Variants in SNX9 observed in about 807,000 individuals in gnomAD.
SNX9 encodes sorting nexin 9, also known as sorting nexin-9.
A neutral mutation model predicts 89.4 loss-of-function variants in SNX9; 44 were observed. The observed-to-expected ratio is 0.49, with a 90% CI of 0.39 to 0.63. The LOEUF is 0.63. Ranked by LOEUF, SNX9 falls within the 30% of genes least tolerant of loss-of-function variation. The pLI, the probability that SNX9 is intolerant of heterozygous loss-of-function variation, is 0.00. For synonymous variants in SNX9, 236 were observed against 247.8 expected (o/e 0.95, Z 0.45); for missense variants, 578 against 736.1 (o/e 0.79, Z 2.49).
At chr6:157,929,030 AT>A (rs1414442260) in intron 12 of SNX9, among the ~76,000 whole-genome samples, 1 of 152,116 alleles carries the variant, frequency 6.6e-6, no homozygotes, top group Non-Finnish European at 1.5e-5. Context: ...TCATGATTTT[AT>A]TTTTTAATCT....
At chr6:157,879,185 C>T (rs1257098282) in intron 4 of SNX9, among the ~76,000 whole-genome samples, 2 of 152,202 alleles carry the variant, frequency 1.3e-5, no homozygotes, top group Non-Finnish European at 2.9e-5. Context: ...GCTCGCAGAA[C>T]GCAGGTTTCT....
intron 4 of SNX9, among the ~76,000 whole-genome samples, chr6:157,876,620 G>C (rs2077962591): frequency 6.6e-6 from 1 of 152,218 alleles, no homozygotes; most frequent in South Asian, 2.1e-4. Context: ...TGTAATTGAA[G>C]AATTCTCTTC....
At position 157,875,032 on chromosome 6, in the gene SNX9, G is replaced by A. The variant is rs751188745; in HGVS notation, c.175-19G>A. The A allele has an allele frequency of 8.1e-5, 130 of 1,611,784 alleles. No individual in the cohort carries two copies. The highest frequency in any genetic ancestry group is 3.3e-4 in the Middle Eastern group (2 of 6,074). On this transcript the variant is annotated intron_variant, in intron 3 of 17. Coordinates refer to ENST00000392185, the MANE Select transcript of SNX9 (RefSeq NM_016224.5). ...GACCGTAATCTATGAAAATAATTGC[G>A]GCTCTTTCTCCTATTCAGATTTTAC... is the stretch of plus-strand genomic sequence containing the variant.
intron 1 of SNX9, among the ~76,000 whole-genome samples, chr6:157,828,840 C>T (rs1239133914): frequency 1.3e-5 from 2 of 152,142 alleles, no homozygotes; most frequent in African/African-American, 2.4e-5. Flanking sequence ...TGTCCCCGCC[C>T]CTGTTTCAGG....
chr6:157,896,904 G>C lies in SNX9; in HGVS notation c.378G>C (p.Gly126=). 6.2e-7 allele frequency: 1 copy of C among 1,613,440 alleles called. No individual in the cohort carries two copies. The highest frequency in any genetic ancestry group is 1.7e-5 in the Admixed American group (1 of 59,780). The part of the protein sequence containing the change: ...SGNWESSEGW[G]AQPEGAGAQR... ...ACTGGGAAAGCTCAGAAGGCTGGGGGGCCCAGCCAGAGGGGGCTGGAGCCC... is the reference window on the plus strand; with the variant it reads ...ACTGGGAAAGCTCAGAAGGCTGGGGCGCCCAGCCAGAGGGGGCTGGAGCCC... Residue 126 remains glycine (G), a synonymous_variant, in exon 5 of 18, where the codon GGG becomes GGC. Transcript: ENST00000392185.
At chr6:157,934,368 T>C (rs1783879110) in intron 13 of SNX9, 1 of 152,204 alleles carries the variant, frequency 6.6e-6, no homozygotes, top group Non-Finnish European at 1.5e-5. Flanking sequence ...CAGTTGACTT[T>C]GGAATAATGT....
intron 17 of SNX9, among the ~76,000 whole-genome samples, chr6:157,941,879 A>G (rs759549906): frequency 5.9e-5 from 9 of 152,232 alleles, no homozygotes; most frequent in Non-Finnish European, 1.2e-4. Context: ...CCTCCCTTAC[A>G]GGACGTGGGC....
chr6:157,826,287 G>A (rs1053899825), intron 1 of SNX9, among the ~76,000 whole-genome samples: 10 of 151,876 alleles, frequency 6.6e-5, no homozygotes, highest in African/African-American at 2.4e-4. Context: ...TCACGAGGTC[G>A]GGAGATCGAG....
intron 15 of SNX9, 139 bp from the exon 16 acceptor site, chr6:157,938,494 C>T (rs1783970655): frequency 3.5e-6 from 2 of 563,396 alleles, no homozygotes; most frequent in South Asian, 2.8e-5. Context: ...AATTTAGATG[C>T]TTTCCTCTCT....
chr6:157,859,180 A>C (rs1782070196), intron 1 of SNX9, among the ~76,000 whole-genome samples: 1 of 152,244 alleles, frequency 6.6e-6, no homozygotes, highest in Non-Finnish European at 1.5e-5. Context: ...AAATTAAATG[A>C]TATGAAAAGA....
intron 3 of SNX9, 132 bp downstream of exon 3, chr6:157,873,308 T>TA: frequency 6.0e-6 from 3 of 498,824 alleles, no homozygotes; most frequent in Non-Finnish European, 9.9e-6. Context: ...AAATGTTAAC[T>TA]ATATAAAATA....
intron 9 of SNX9, among the ~76,000 whole-genome samples, chr6:157,915,822 C>CAAAAAAAAAAA (rs570701086): frequency 6.7e-5 from 6 of 89,372 alleles, no homozygotes; most frequent in Admixed American, 1.2e-4. Context: ...TAGACTCTGT[C>CAAAAAAAAAAA]AAAAAAAAAA....
chr6:157,872,924 C>A (rs1050638092), intron 2 of SNX9, 178 bp from the exon 3 acceptor site: 1 of 454,588 alleles, frequency 2.2e-6, no homozygotes, highest in South Asian at 4.7e-5. Flanking sequence ...TAGGTTACAT[C>A]ATTTTCTGAA....
chr6:157,923,440 AAC>A (rs1554297120), intron 10 of SNX9, among the ~76,000 whole-genome samples: 3 of 152,040 alleles, frequency 2.0e-5, no homozygotes, highest in Non-Finnish European at 4.4e-5. Flanking sequence ...AAAAAAAAAT[AAC>A]CTGTCATTTA....
chr6:157,888,247 A>T (rs2115154579), intron 4 of SNX9, among the ~76,000 whole-genome samples: 2 of 152,108 alleles, frequency 1.3e-5, no homozygotes, highest in Middle Eastern at 6.8e-3. Flanking sequence ...TAACTTGGCT[A>T]TTTCTGTTTT....
In SNX9 at chr6:157,927,175, C is replaced by G; in HGVS notation, c.1145C>G (p.Thr382Ser). The change falls in exon 11 of 18, where the codon ACC becomes AGC. Residue 382 changes from threonine to serine, a missense_variant. This residue lies in a region of SNX9 where 348 missense variants were observed against 491.4 expected (regional missense o/e 0.71). Coordinates refer to ENST00000392185, the MANE Select transcript of SNX9 (RefSeq NM_016224.5). ...CTGGCGGGAGTCATGATATTTTCCA[C>G]CATGGAACCAGAGGCACCTGACTTG... The part of the protein sequence containing the change: ...DELAGVMIFS[T>S]MEPEAPDLDL... The G allele has an allele frequency of 6.2e-7, 1 of 1,614,064 alleles. No homozygotes were observed. The highest frequency in any genetic ancestry group is 1.1e-5 in the South Asian group (1 of 91,076).
At chr6:157,857,479 A>G (rs894598721) in intron 1 of SNX9, among the ~76,000 whole-genome samples, 2 of 152,058 alleles carry the variant, frequency 1.3e-5, no homozygotes, top group African/African-American at 4.8e-5. Flanking sequence ...TTAATCTTTG[A>G]CCCATTATAT....
intron 16 of SNX9, among the ~76,000 whole-genome samples, chr6:157,939,479 T>C (rs977661524): frequency 2.6e-5 from 4 of 151,562 alleles, no homozygotes; most frequent in African/African-American, 4.9e-5. Flanking sequence ...GGAGGGGAGA[T>C]TGGAAGATGC....
intron 1 of SNX9, among the ~76,000 whole-genome samples, chr6:157,859,666 G>A (rs964290415): frequency 2.6e-5 from 4 of 152,136 alleles, no homozygotes; most frequent in Admixed American, 6.5e-5. Flanking sequence ...GGCAATGTCT[G>A]CCAGATTAAT....
Sources: allele counts gnomAD v4.1 joint callset (sites outside exome capture counted in the v4.1 genomes callset), GRCh38; gene constraint gnomAD v4.1.1; regional missense constraint gnomAD v4.1.1; transcripts MANE v1.5; gene names NCBI Gene and HGNC (gene_info 2026-07-23, HGNC 2026-07-21).